Variants in KCNAB1 observed in about 807,000 individuals in gnomAD.
KCNAB1 encodes the protein voltage-gated potassium channel subunit beta-1.
Under a neutral mutation model 64.6 loss-of-function variants are expected in KCNAB1, and 35 were observed. That is an observed-to-expected ratio of 0.54 (90% CI 0.41 to 0.72). The LOEUF is 0.72. KCNAB1 is among the 30% of genes least tolerant of loss of function. The pLI is 0.00. For synonymous variants in KCNAB1, 177 were observed against 183.8 expected (o/e 0.96, Z 0.30); for missense variants, 401 against 512.9 (o/e 0.78, Z 2.11).
intron 1 of KCNAB1, among the ~76,000 whole-genome samples, chr3:156,259,484 G>A (rs1473185439): frequency 6.6e-6 from 1 of 152,158 alleles, no homozygotes; most frequent in East Asian, 1.9e-4. Flanking sequence ...GTTTTGGACT[G>A]TCCTCATGTT....
chr3:156,141,399 T>G (rs1010331479), intron 1 of KCNAB1, among the ~76,000 whole-genome samples: 2 of 152,236 alleles, frequency 1.3e-5, no homozygotes, highest in African/African-American at 4.8e-5. Flanking sequence ...CATAGCCATC[T>G]TCTTCCCTTT....
Position 156,531,425 on chromosome 3 carries a change from T to C in KCNAB1, c.1098T>C (p.Asn366=), listed in dbSNP as rs2280031. 368,537 of 1,611,284 alleles carry C rather than the reference T, an allele frequency of 0.23. 42,901 individuals are homozygous for C. Among genetic ancestry groups the C allele is most frequent in the East Asian group, 0.28 (12,340 of 44,868 alleles). The change falls in exon 13 of 14, where the codon AAT becomes AAC. Residue 366 remains asparagine, a synonymous_variant. Transcript: ENST00000490337. ...TCCTCCCAGCGTGGTGCCTGAGAAA[T>C]GAAGGTGTGAGTTCTGTGCTCCTGG... ...PQLAVAWCLR[N]EGVSSVLLGS...
intron 7 of KCNAB1, among the ~76,000 whole-genome samples, chr3:156,469,244 CTTTCTTTTTTT>C (rs1461380834): frequency 1.6e-5 from 2 of 124,630 alleles, no homozygotes; most frequent in Admixed American, 8.0e-5. Context: ...TTCTTTCTTT[CTTTCTTTTTTT>C]TTTTTTTTTT....
chr3:156,439,192 C>CAA (rs34540022), intron 2 of KCNAB1, among the ~76,000 whole-genome samples: 1 of 132,102 alleles, frequency 7.6e-6, no homozygotes, highest in Admixed American at 7.6e-5. Context: ...TGTAAATTCT[C>CAA]AAAAAAAAAA....
intron 2 of KCNAB1, among the ~76,000 whole-genome samples, chr3:156,443,895 C>T (rs1381478039): frequency 1.3e-5 from 2 of 152,150 alleles, no homozygotes; most frequent in Non-Finnish European, 2.9e-5. Flanking sequence ...CTATTTCAAG[C>T]TCTTTTGTAA....
intron 1 of KCNAB1, among the ~76,000 whole-genome samples, chr3:156,170,508 T>C (rs1429612344): frequency 6.6e-6 from 1 of 152,150 alleles, no homozygotes; most frequent in Non-Finnish European, 1.5e-5. Context: ...AGGGCAAATA[T>C]GGGTTTTGGT....
chr3:156,267,430 A>T (rs1035118740), intron 1 of KCNAB1, among the ~76,000 whole-genome samples: 6 of 152,112 alleles, frequency 3.9e-5, no homozygotes, highest in African/African-American at 1.4e-4. Context: ...TTGACCCCCA[A>T]CCAGAATCCT....
chr3:156,382,106 A>C (rs748109077), intron 1 of KCNAB1: 3 of 152,084 alleles, frequency 2.0e-5, no homozygotes, highest in Non-Finnish European at 2.9e-5. Context: ...CCATTCCAAA[A>C]TCTTGGGGAA....
intron 1 of KCNAB1, among the ~76,000 whole-genome samples, chr3:156,237,123 C>T (rs1209222967): frequency 2.0e-5 from 3 of 152,124 alleles, no homozygotes; most frequent in African/African-American, 4.8e-5. Flanking sequence ...AAAAGAGTAG[C>T]TTGAAAGGAG....
rs147518385 is a variant in KCNAB1 at position 156,153,072 on chromosome 3, T to C, written c.275+32186T>C. 1.4e-4 allele frequency among the ~76,000 whole-genome samples: 21 copies of C among 152,320 alleles called. No individual in the cohort carries two copies. The East Asian group carries it at 2.7e-3, about 20-fold the overall frequency. ...TGCATTCCCAGAATCTGACATCTAG[T>C]GTAGAGCTCAATAAATATTTGCTGA... On this transcript the variant is annotated intron_variant, in intron 1 of 13. Coordinates refer to ENST00000490337, the MANE Select transcript of KCNAB1 (RefSeq NM_172160.3).
rs202104143 is a variant in KCNAB1 at position 156,428,582 on chromosome 3, A to AT, written c.319+6932dup. Among the ~76,000 whole-genome samples the AT allele has an allele frequency of 5.0e-3, 718 of 143,930 alleles. 3 individuals are homozygous for AT. Among genetic ancestry groups the AT allele is most frequent in the Non-Finnish European group, 7.2e-3 (472 of 65,510 alleles). 94.4% of individuals were successfully genotyped at this position (143,930 alleles called of 152,430 possible). A position where few individuals can be genotyped will look rare whatever the true frequency, so the allele number is the denominator to read the frequency against. ...AGAACCCTGAGGAGAGATTTTGTTG[A>AT]TTTTTTTTTCAAAACATCATGCAAG... On this transcript the variant is annotated intron_variant, in intron 2 of 13. Coordinates refer to ENST00000490337, the MANE Select transcript of KCNAB1 (RefSeq NM_172160.3).
At chr3:156,292,175 A>C (rs1471622623) in intron 1 of KCNAB1, 3 of 1,595,658 alleles carry the variant, frequency 1.9e-6, no homozygotes, top group African/African-American at 2.7e-5. Context: ...GGTTCTATAC[A>C]GGTGCAGTGG....
chr3:156,212,639 T>C (rs1335885559), intron 1 of KCNAB1, among the ~76,000 whole-genome samples: 1 of 152,188 alleles, frequency 6.6e-6, no homozygotes, highest in Non-Finnish European at 1.5e-5. Context: ...CTAGAGTTTA[T>C]TGCAGAGGTC....
At chr3:156,172,925 G>A (rs1422532672) in intron 1 of KCNAB1, among the ~76,000 whole-genome samples, 2 of 152,200 alleles carry the variant, frequency 1.3e-5, no homozygotes, top group Non-Finnish European at 2.9e-5. Context: ...TAACACCTCT[G>A]GATGTAAAGG....
Position 156,176,192 on chromosome 3 carries a change from T to C in KCNAB1, c.275+55306T>C, listed in dbSNP as rs116696033. On this transcript the variant is annotated intron_variant, in intron 1 of 13. Transcript: ENST00000490337. ...GACAAGAGATAAGAACCTTCAGAACTTAAGGTCAGGCCAGTCACTGAATCT... is the reference window on the plus strand; with the variant it reads ...GACAAGAGATAAGAACCTTCAGAACCTAAGGTCAGGCCAGTCACTGAATCT... The C allele has an allele frequency of 5.7e-4, 440 of 776,830 alleles. 2 individuals are homozygous for C. The African/African-American group carries it at 6.8e-3, about 12-fold the overall frequency. 48.1% of individuals were successfully genotyped at this position (776,830 alleles called of 1,614,324 possible).
intron 1 of KCNAB1, among the ~76,000 whole-genome samples, chr3:156,400,186 T>A (rs1212247546): frequency 6.6e-6 from 1 of 152,232 alleles, no homozygotes; most frequent in Non-Finnish European, 1.5e-5. Flanking sequence ...AAGTTTGATG[T>A]TAATGCTTTA....
At chr3:156,312,731 A>AAAAAAAAAAG (rs1722007557) in intron 1 of KCNAB1, among the ~76,000 whole-genome samples, 1 of 144,526 alleles carries the variant, frequency 6.9e-6, no homozygotes, top group Non-Finnish European at 1.5e-5. Context: ...AAAAAAAAAA[A>AAAAAAAAAAG]CTCATAATAA....
chr3:156,175,575 G>A (rs897881390), intron 1 of KCNAB1, among the ~76,000 whole-genome samples: 5 of 152,278 alleles, frequency 3.3e-5, no homozygotes, highest in East Asian at 3.9e-4. Context: ...GCCGAGATGC[G>A]CCACTGCACT....
At chr3:156,427,349 G>C (rs1439647208) in intron 2 of KCNAB1, among the ~76,000 whole-genome samples, 1 of 152,138 alleles carries the variant, frequency 6.6e-6, no homozygotes, top group Non-Finnish European at 1.5e-5. Flanking sequence ...ATGACCCTAT[G>C]ATTGTCATTG....
Sources: allele counts gnomAD v4.1 joint callset (sites outside exome capture counted in the v4.1 genomes callset), GRCh38; gene constraint gnomAD v4.1.1; transcripts MANE v1.5; gene names NCBI Gene and HGNC (gene_info 2026-07-23, HGNC 2026-07-21).